The following C1orf87 variants were observed in gnomAD, a reference collection of about 807,000 sequenced individuals.
C1orf87 encodes chromosome 1 open reading frame 87.
In C1orf87, 58 loss-of-function variants were observed where a neutral mutation model predicts 60.5. That is an observed-to-expected ratio of 0.96 (90% CI 0.78 to 1.19). The LOEUF (loss-of-function observed/expected upper bound fraction) is 1.19. Ranked by LOEUF, C1orf87 falls within the 50% of genes most tolerant of loss-of-function variation. The probability of loss-of-function intolerance (pLI) is 0.00; values close to 1 mark genes in which losing one functional copy is unlikely to be tolerated. For missense variants in C1orf87, 673 were observed against 638.6 expected, an observed-to-expected ratio of 1.05 and a Z score of -0.58; for synonymous variants, 236 against 227.4, an observed-to-expected ratio of 1.04 and a Z score of -0.34.
intron 8 of C1orf87, chr1:60,010,810 G>C (rs567870183): frequency 4.2e-4 from 66 of 159,004 alleles, no homozygotes; most frequent in African/African-American, 1.4e-3. Flanking sequence ...ACTGGAAAAT[G>C]AAACAAAAAC....
intron 11 of C1orf87, among the ~76,000 whole-genome samples, chr1:59,991,073 A>G (rs1644918824): frequency 6.6e-6 from 1 of 152,228 alleles, no homozygotes; most frequent in South Asian, 2.1e-4. Context: ...GGGATCCAAT[A>G]AGATCCATAG....
At chr1:60,052,353 T>C (rs1327136688) in intron 3 of C1orf87, among the ~76,000 whole-genome samples, 4 of 152,120 alleles carry the variant, frequency 2.6e-5, no homozygotes, top group African/African-American at 9.7e-5. Context: ...TTCAAAAACA[T>C]ACGCATATAA....
intron 4 of C1orf87, among the ~76,000 whole-genome samples, chr1:60,040,758 T>G (rs1030345047): frequency 7.0e-6 from 1 of 142,416 alleles, no homozygotes; most frequent in Non-Finnish European, 1.5e-5. Context: ...GTCTTTAATT[T>G]TTTTTTTTTT....
At chr1:60,028,051 A>G (rs1440158025) in intron 7 of C1orf87, among the ~76,000 whole-genome samples, 3 of 152,170 alleles carry the variant, frequency 2.0e-5, no homozygotes, top group Non-Finnish European at 2.9e-5. Context: ...GTAAATGTAT[A>G]TATGGGTGAA....
intron 3 of C1orf87, among the ~76,000 whole-genome samples, chr1:60,052,591 C>A (rs900559014): frequency 1.3e-5 from 2 of 152,176 alleles, no homozygotes; most frequent in African/African-American, 4.8e-5. Flanking sequence ...TGAGACTCTT[C>A]GAACTTACTC....
In C1orf87 at chr1:60,071,765, A is replaced by G. The variant is rs1041371171; in HGVS notation, c.107+772T>C. 3.1e-4 allele frequency among the ~76,000 whole-genome samples: 47 copies of G among 152,314 alleles called. 1 individual carries two copies. The highest frequency in any genetic ancestry group is 3.4e-3 in the Middle Eastern group (1 of 294). On this transcript the variant is annotated intron_variant, in intron 2 of 11. Coordinates refer to ENST00000371201, the MANE Select transcript of C1orf87 (RefSeq NM_152377.3). ...TTAGCAAAAATTTCTTCTTGCACCT[A>G]TGTTCAACAATACCATATCTTTGTA...
chr1:60,055,652 T>C (rs994258489), intron 2 of C1orf87, among the ~76,000 whole-genome samples: 5 of 152,192 alleles, frequency 3.3e-5, no homozygotes, highest in African/African-American at 1.2e-4. Context: ...TCTTTTTCCT[T>C]ACCCTCTTCC....
chr1:60,019,409 T>C (rs907364678), intron 8 of C1orf87, among the ~76,000 whole-genome samples: 1 of 152,172 alleles, frequency 6.6e-6, no homozygotes, highest in African/African-American at 2.4e-5. Flanking sequence ...TCTTCATAAA[T>C]TACCCAGTCT....
At chr1:60,024,709 A>C (rs1645186688) in intron 8 of C1orf87, among the ~76,000 whole-genome samples, 1 of 152,120 alleles carries the variant, frequency 6.6e-6, no homozygotes. Context: ...TGAATTCCCC[A>C]TTCCTATGCA....
At chr1:60,039,742 A>G in intron 5 of C1orf87, among the ~76,000 whole-genome samples, 175 bp downstream of exon 5, 1 of 152,188 alleles carries the variant, frequency 6.6e-6, no homozygotes, top group East Asian at 1.9e-4. Context: ...ACCTAACTCT[A>G]TTTTCTATTC....
At chr1:60,001,929 CACAA>C (rs1645009124) in intron 9 of C1orf87, among the ~76,000 whole-genome samples, 1 of 152,052 alleles carries the variant, frequency 6.6e-6, no homozygotes, top group African/African-American at 2.4e-5. Flanking sequence ...GCAGGAAAAA[CACAA>C]ACAAATATTA....
At chr1:60,011,462 T>TCC (rs1645084662) in intron 8 of C1orf87, among the ~76,000 whole-genome samples, 1 of 151,950 alleles carries the variant, frequency 6.6e-6, no homozygotes, top group Non-Finnish European at 1.5e-5. Flanking sequence ...CTTCTCTCTC[T>TCC]CCCACTGTCT....
chr1:60,058,101 C>G (rs1645469732), intron 2 of C1orf87, among the ~76,000 whole-genome samples: 1 of 152,094 alleles, frequency 6.6e-6, no homozygotes, highest in African/African-American at 2.4e-5. Context: ...ATGTTCCCTG[C>G]CTTCAAGAAA....
In C1orf87 at chr1:60,010,378, A is replaced by G; in HGVS notation, c.1192+14T>C. The G allele has an allele frequency of 2.5e-6, 4 of 1,609,878 alleles. No individual in the cohort carries two copies. The highest frequency in any genetic ancestry group is 1.3e-5 in the African/African-American group (1 of 74,800). On this transcript the variant is annotated intron_variant, in intron 9 of 11. Coordinates refer to ENST00000371201, the MANE Select transcript of C1orf87 (RefSeq NM_152377.3). Reference sequence around the variant, plus strand: ...TGGAAGGTCTCTCTGGAGCAAAAAAATAATGGAACTCACCTGTAGGCAAAT... The same window carrying G: ...TGGAAGGTCTCTCTGGAGCAAAAAAGTAATGGAACTCACCTGTAGGCAAAT...
At chr1:60,029,481 A>G (rs1645221463) in intron 7 of C1orf87, among the ~76,000 whole-genome samples, 1 of 151,992 alleles carries the variant, frequency 6.6e-6, no homozygotes, top group South Asian at 2.1e-4. Flanking sequence ...CATGCTCCTT[A>G]GAAAGACCCT....
chr1:59,993,002 A>G (rs527413827), intron 11 of C1orf87, among the ~76,000 whole-genome samples: 2 of 152,268 alleles, frequency 1.3e-5, no homozygotes, highest in African/African-American at 4.8e-5. Flanking sequence ...AGTCCTGTCT[A>G]GCTTTGCTTC....
At chr1:60,029,633 C>T (rs191726830) in intron 7 of C1orf87, among the ~76,000 whole-genome samples, 1 of 120,460 alleles carries the variant, frequency 8.3e-6, no homozygotes, top group African/African-American at 3.1e-5. Context: ...CCCTGTCCCC[C>T]CAAGTTTTTT....
intron 9 of C1orf87, among the ~76,000 whole-genome samples, chr1:60,003,351 C>T (rs1251829770): frequency 6.6e-6 from 1 of 151,058 alleles, no homozygotes; most frequent in East Asian, 2.0e-4. Flanking sequence ...GGGATAGCAT[C>T]AGGAGATATA....
At position 60,040,190 on chromosome 1, in the gene C1orf87, C is replaced by A; in HGVS notation, c.484-10G>T. The A allele has an allele frequency of 6.2e-7, 1 of 1,603,348 alleles. No homozygotes were observed. Among genetic ancestry groups the A allele is most frequent in the South Asian group, 1.1e-5 (1 of 89,200 alleles). On this transcript the variant is annotated splice_polypyrimidine_tract_variant and intron_variant, in intron 4 of 11. Coordinates refer to ENST00000371201, the MANE Select transcript of C1orf87 (RefSeq NM_152377.3). The stretch of plus-strand genomic sequence containing the variant: ...GGCTCTGGCCAATATCCTAACACAA[C>A]AATGAAAAACAAAGAGCAAGACTCT...
Sources: gnomAD v4.1 joint callset for allele counts (sites outside exome capture counted in the v4.1 genomes callset) on GRCh38, gnomAD v4.1.1 for gene constraint, MANE v1.5 for transcripts, NCBI Gene and HGNC (gene_info 2026-07-23, HGNC 2026-07-21) for gene names.